Variants in HUWE1 observed in about 807,000 individuals in gnomAD.
HUWE1 encodes E3 ubiquitin-protein ligase HUWE1.
Under a neutral mutation model 299.4 loss-of-function variants are expected in HUWE1, and 18 were observed. That is an observed-to-expected ratio of 0.06 (90% confidence interval 0.04 to 0.09). The LOEUF is 0.09. HUWE1 is among the 10% of genes least tolerant of loss of function. The pLI, the probability that HUWE1 is intolerant of heterozygous loss-of-function variation, is 1.00. For missense variants in HUWE1, 1,832 were observed against 3,462.3 expected (o/e 0.53, Z 11.82); for synonymous variants, 1,317 against 1,286.1 (o/e 1.02, Z -0.51).
intron 39 of HUWE1, 73 bp from the exon 40 acceptor site, chrX:53,585,261 GT>G (rs1193566227): frequency 3.9e-6 from 4 of 1,033,184 alleles, no homozygotes; most frequent in Admixed American, 4.6e-5. Context: ...CTTCATCAGT[GT>G]TCACTGCTAA....
In HUWE1 at chrX:53,552,886, A is replaced by C; in HGVS notation, c.8502T>G (p.Leu2834=). 8.3e-7 allele frequency: 1 copy of C among 1,211,621 alleles called. No homozygotes were observed. Among genetic ancestry groups the C allele is most frequent in the African/African-American group, 1.7e-5 (1 of 57,865 alleles). Residue 2834 remains leucine (L), a synonymous_variant, in exon 62 of 84, where the codon CTT becomes CTG. Coordinates refer to ENST00000262854, the MANE Select transcript of HUWE1 (RefSeq NM_031407.7). ...CAGAATCCTCAGCTCTCTCTGGGGAAAGTGAGGCTAGGAAGAAGTTGCAGG... is the reference window on the plus strand; with the variant it reads ...CAGAATCCTCAGCTCTCTCTGGGGACAGTGAGGCTAGGAAGAAGTTGCAGG... ...ELSPAPTITS[L]SPERAEDSDA...
Position 53,628,736 on chromosome X carries a change from C to T in HUWE1, c.1114+16G>A. 1 of 1,211,027 alleles carries T rather than the reference C, an allele frequency of 8.3e-7. No individual in the cohort carries two copies. The highest frequency in any genetic ancestry group is 1.1e-6 in the Non-Finnish European group (1 of 894,829). ...AATGTTTCTTCTTGCCTAAGATAATCACCATCAAAACTTACCAATCATGGC... is the reference window on the plus strand; with the variant it reads ...AATGTTTCTTCTTGCCTAAGATAATTACCATCAAAACTTACCAATCATGGC... On this transcript the variant is annotated intron_variant, in intron 14 of 83. Coordinates refer to ENST00000262854, the MANE Select transcript of HUWE1 (RefSeq NM_031407.7).
chrX:53,584,437 C>G (rs1011879630), intron 40 of HUWE1, 92 bp from the exon 41 acceptor site: 2 of 756,161 alleles, frequency 2.6e-6, no homozygotes, highest in Admixed American at 2.8e-5. Flanking sequence ...TAAAATGCTA[C>G]AACAGGAAGG....
At chrX:53,553,436 C>T (rs2061857095) in intron 61 of HUWE1, among the ~76,000 whole-genome samples, 1 of 107,479 alleles carries the variant, frequency 9.3e-6, no homozygotes, top group Non-Finnish European at 1.9e-5. Context: ...GCCACCGCGC[C>T]CAGCCCGGGT....
At position 53,625,230 on chromosome X, in the gene HUWE1, T is replaced by G. The variant is rs1557016032; in HGVS notation, c.1518A>C (p.Ala506=). 5.0e-6 allele frequency: 6 copies of G among 1,201,928 alleles called. No homozygotes were observed. The East Asian group carries it at 1.5e-4, about 30-fold the overall frequency. The stretch of plus-strand genomic sequence containing the variant: ...GGAAATTCAACATGGATTTCAGAAG[T>G]GCTGCTCGTTGTGGAATACACTGGA... ...DGVQCIPQRA[A]LLKSMLNFLK... is the part of the protein sequence containing the mutation. The change falls in exon 18 of 84, where the codon GCA becomes GCC. Residue 506 remains alanine, a synonymous_variant. Transcript: ENST00000262854.
chrX:53,588,684 T>C, intron 36 of HUWE1, 150 bp from the exon 37 acceptor site: 1 of 543,939 alleles, frequency 1.8e-6, no homozygotes. Context: ...CATAGGGATT[T>C]AGAATCTATA....
At chrX:53,603,066 T>C (rs1603029953) in intron 27 of HUWE1, among the ~76,000 whole-genome samples, 1 of 111,396 alleles carries the variant, frequency 9.0e-6, no homozygotes, top group Non-Finnish European at 1.9e-5. Flanking sequence ...TTGGCCAGGC[T>C]GGTCTCGAAC....
intron 26 of HUWE1, 77 bp downstream of exon 26, chrX:53,604,512 A>G: frequency 1.8e-6 from 2 of 1,097,296 alleles, no homozygotes; most frequent in Non-Finnish European, 2.5e-6. Flanking sequence ...TTTCAAGCAT[A>G]GTAACCCTGC....
At chrX:53,670,098 C>T (rs997719812) in intron 3 of HUWE1, among the ~76,000 whole-genome samples, 6 of 111,556 alleles carry the variant, frequency 5.4e-5, no homozygotes, top group Non-Finnish European at 7.5e-5. Flanking sequence ...ATGGCCAAAT[C>T]GAACTGTTCC....
Position 53,564,721 on chromosome X carries a change from G to T in HUWE1, c.6882C>A (p.Gly2294=). The T allele has an allele frequency of 8.3e-7, 1 of 1,211,660 alleles. No homozygotes were observed. ...CCTGCACTTCTGCTTCCCCAGGCTC[G>T]CCTGAAACAATCAACCAACCAGCAA... ...QDSSSNQQDP[G]EPGEAEVQEE... Residue 2294 remains glycine (G), a splice_region_variant and synonymous_variant, in exon 51 of 84, where the codon GGC becomes GGA. Transcript: ENST00000262854.
At chrX:53,627,331 T>A in intron 17 of HUWE1, 79 bp downstream of exon 17, 1 of 636,238 alleles carries the variant, frequency 1.6e-6, no homozygotes, top group Non-Finnish European at 2.6e-6. Flanking sequence ...CTTTGGAATT[T>A]ATGAGGAAGA....
At chrX:53,602,688 A>T (rs1603025843) in intron 27 of HUWE1, 30 bp from the exon 28 acceptor site, 2 of 674,863 alleles carry the variant, frequency 3.0e-6, no homozygotes, top group Non-Finnish European at 2.3e-6. Flanking sequence ...GAGCAAAAGA[A>T]ATATATATAT....
At chrX:53,617,240 T>G in intron 20 of HUWE1, 93 bp from the exon 21 acceptor site, 2 of 898,978 alleles carry the variant, frequency 2.2e-6, no homozygotes, top group Non-Finnish European at 3.2e-6. Context: ...ATAGAAGGAA[T>G]TTTGACAACC....
chrX:53,581,104 C>CT, intron 42 of HUWE1, 78 bp from the exon 43 acceptor site: 1 of 851,959 alleles, frequency 1.2e-6, no homozygotes, highest in Non-Finnish European at 1.7e-6. Flanking sequence ...GTTACCAAGA[C>CT]TAAAAGCTTT....
chrX:53,646,320 G>A (rs181642451), intron 6 of HUWE1, among the ~76,000 whole-genome samples: 1,543 of 110,080 alleles, frequency 0.014, 28 homozygotes, highest in African/African-American at 0.049. Context: ...ACCACGCCCC[G>A]CTAATTTTTG....
intron 23 of HUWE1, among the ~76,000 whole-genome samples, 169 bp downstream of exon 23, chrX:53,614,365 C>T (rs1292083291): frequency 9.8e-5 from 11 of 111,814 alleles, no homozygotes; most frequent in African/African-American, 3.6e-4. Context: ...AAATGACACA[C>T]AAGGGTCAAA....
At chrX:53,681,587 T>C (rs1364258390) in intron 2 of HUWE1, among the ~76,000 whole-genome samples, 1 of 111,790 alleles carries the variant, frequency 8.9e-6, no homozygotes, top group Non-Finnish European at 1.9e-5. Context: ...AGCTGGGTAT[T>C]CCAAATGATC....
intron 4 of HUWE1, 52 bp downstream of exon 4, chrX:53,654,011 T>C: frequency 2.2e-6 from 2 of 909,637 alleles, no homozygotes; most frequent in Non-Finnish European, 3.2e-6. Flanking sequence ...ACAAATATTT[T>C]TTTATTTTTT....
chrX:53,613,280 C>T (rs892629065), intron 23 of HUWE1, among the ~76,000 whole-genome samples: 8 of 111,427 alleles, frequency 7.2e-5, no homozygotes, highest in African/African-American at 2.3e-4. Context: ...CACTTGACAC[C>T]CACAGGCTCA....
Sources: allele counts gnomAD v4.1 joint callset (sites outside exome capture counted in the v4.1 genomes callset), GRCh38; gene constraint gnomAD v4.1.1; transcripts MANE v1.5; gene names NCBI Gene and HGNC (gene_info 2026-07-23, HGNC 2026-07-21).